The following AFDN variants were observed in gnomAD, a reference collection of about 807,000 sequenced individuals.
The protein encoded by AFDN is afadin, adherens junction formation factor.
In AFDN, 68 loss-of-function variants were observed where a neutral mutation model predicts 216.6. The observed-to-expected ratio is 0.31, with a 90% CI of 0.26 to 0.38. The LOEUF (loss-of-function observed/expected upper bound fraction) is 0.38. Ranked by LOEUF, AFDN falls within the 10% of genes least tolerant of loss-of-function variation. The pLI, the probability that AFDN is intolerant of heterozygous loss-of-function variation, is 1.00. For missense variants in AFDN, 2,136 were observed against 2,342.0 expected (o/e 0.91, Z 1.82); for synonymous variants, 868 against 853.7 (o/e 1.02, Z -0.29).
At position 167,951,473 on chromosome 6, in the gene AFDN, G is replaced by A. The variant is rs766768344; in HGVS notation, c.4119G>A (p.Pro1373=). The A allele has an allele frequency of 1.4e-5, 23 of 1,613,700 alleles. No individual in the cohort carries two copies. The highest frequency in any genetic ancestry group is 1.7e-4 in the Middle Eastern group (1 of 6,060). The stretch of plus-strand genomic sequence containing the variant: ...AGCCAATCCGAACAGACCTGCCTCC[G>A]CCACCCCCGCCACCTCCAGTCCACT... ...VSQPIRTDLP[P]PPPPPPVHYA... is the part of the protein sequence containing the mutation. Residue 1373 remains proline, a synonymous_variant, in exon 30 of 34, where the codon CCG becomes CCA. Coordinates refer to ENST00000683244, the MANE Select transcript of AFDN (RefSeq NM_001386888.1). The surrounding 1 kb of genome is among the most constrained non-coding windows in gnomAD (Gnocchi z 7.1).
intron 6 of AFDN, among the ~76,000 whole-genome samples, chr6:167,886,130 A>AT (rs1422900026): frequency 6.6e-6 from 1 of 151,986 alleles, no homozygotes; most frequent in African/African-American, 2.4e-5. Flanking sequence ...CTGTATTTGA[A>AT]TTTTTTTACA....
intron 5 of AFDN, among the ~76,000 whole-genome samples, chr6:167,878,850 T>C (rs1292866056): frequency 2.6e-5 from 4 of 152,182 alleles, no homozygotes; most frequent in Non-Finnish European, 2.9e-5. Context: ...GACAAAGCCC[T>C]TCCTTTAGAT....
At chr6:167,967,099 C>T (rs1797646182) in intron 32 of AFDN, among the ~76,000 whole-genome samples, 1 of 152,150 alleles carries the variant, frequency 6.6e-6, no homozygotes. Context: ...TAAAATATAG[C>T]TGAATTCATA....
At chr6:167,912,571 C>T (rs1265594282) in intron 15 of AFDN, among the ~76,000 whole-genome samples, 1 of 152,032 alleles carries the variant, frequency 6.6e-6, no homozygotes, top group Admixed American at 6.6e-5. Flanking sequence ...ATTTGGATAC[C>T]GTTTTGTTAC....
intron 13 of AFDN, among the ~76,000 whole-genome samples, chr6:167,910,440 T>C (rs1207316624): frequency 6.6e-6 from 1 of 152,244 alleles, no homozygotes; most frequent in Non-Finnish European, 1.5e-5. Flanking sequence ...TTCCAAATTA[T>C]AGTTTCTTTG....
chr6:167,969,072 T>G (rs767847205), intron 32 of AFDN, 42 bp from the exon 33 acceptor site: 3 of 1,439,754 alleles, frequency 2.1e-6, no homozygotes, highest in Non-Finnish European at 2.9e-6. Flanking sequence ...AGCTTAGAAA[T>G]AATCAGGTAC....
At chr6:167,940,557 A>T (rs1395227087) in intron 23 of AFDN, among the ~76,000 whole-genome samples, 1 of 32,270 alleles carries the variant, frequency 3.1e-5, no homozygotes, top group Non-Finnish European at 5.0e-5. Flanking sequence ...ACACAGAGGG[A>T]TGTAGGGGTG....
chr6:167,849,073 GA>G (rs750379734), intron 1 of AFDN, among the ~76,000 whole-genome samples: 1 of 152,130 alleles, frequency 6.6e-6, no homozygotes, highest in Non-Finnish European at 1.5e-5. Flanking sequence ...CCACTTACTT[GA>G]TCTTCCTTAG....
At chr6:167,916,719 A>C (rs1251855576) in intron 19 of AFDN, among the ~76,000 whole-genome samples, 1 of 152,048 alleles carries the variant, frequency 6.6e-6, no homozygotes. Context: ...TTTAGTATAG[A>C]GGCTAGACAG....
chr6:167,863,796 CTAGA>C (rs748512937), intron 1 of AFDN: 5 of 518,486 alleles, frequency 9.6e-6, no homozygotes, highest in Non-Finnish European at 1.9e-5. Context: ...TGCTTTTTCT[CTAGA>C]GGTAAGATTT....
chr6:167,918,447 T>G (rs917616630), intron 20 of AFDN, among the ~76,000 whole-genome samples: 1 of 152,230 alleles, frequency 6.6e-6, no homozygotes, highest in African/African-American at 2.4e-5. Flanking sequence ...CTTCTTGTGA[T>G]TGAACAATTT....
At chr6:167,850,794 G>T (rs1023614393) in intron 1 of AFDN, among the ~76,000 whole-genome samples, 3 of 152,126 alleles carry the variant, frequency 2.0e-5, no homozygotes, top group Admixed American at 1.3e-4. Flanking sequence ...TTATAATTTT[G>T]TGTATAGGTT....
In AFDN at chr6:167,970,003, T is replaced by C; in HGVS notation, c.*68T>C. On this transcript the variant is annotated 3_prime_UTR_variant, in exon 34 of 34. Coordinates refer to ENST00000683244, the MANE Select transcript of AFDN (RefSeq NM_001386888.1). ...TCAGTTGTGGGTTTGTAGGTGCGAG[T>C]TTGAAGAGGAAAAGAGGAAGGGGGT... 1 of 1,311,594 alleles carries C rather than the reference T, an allele frequency of 7.6e-7. No homozygotes were observed. Among genetic ancestry groups the C allele is most frequent in the Non-Finnish European group, 1.0e-6 (1 of 959,736 alleles). The allele number at this position is 1,311,594 out of a possible 1,614,324, so 81.2% of individuals were successfully genotyped here. A position where few individuals can be genotyped will look rare whatever the true frequency, so the allele number is the denominator to read the frequency against.
chr6:167,875,607 C>T (rs1388062863), intron 5 of AFDN, 112 bp downstream of exon 5: 1 of 1,118,190 alleles, frequency 8.9e-7, no homozygotes, highest in Non-Finnish European at 1.3e-6. Context: ...GTAACCTTTT[C>T]ATAACAAATG....
chr6:167,870,308 A>T, intron 2 of AFDN, 78 bp from the exon 3 acceptor site: 2 of 799,470 alleles, frequency 2.5e-6, no homozygotes, highest in Non-Finnish European at 4.0e-6. Flanking sequence ...AATTAAATGT[A>T]TATCAGAATG....
intron 1 of AFDN, among the ~76,000 whole-genome samples, chr6:167,844,160 T>C (rs1451075685): frequency 6.7e-6 from 1 of 149,568 alleles, no homozygotes; most frequent in Non-Finnish European, 1.5e-5. Context: ...GTTTTGCTCT[T>C]GTAGACTCAA....
chr6:167,969,981 G>A lies in AFDN; in HGVS notation c.*46G>A, dbSNP rs149525398. 894 of 1,534,124 alleles carry A rather than the reference G, an allele frequency of 5.8e-4. 5 individuals carry two copies. In the African/African-American group the frequency reaches 0.011, roughly 19 times the overall value. Reference sequence around the variant, plus strand: ...TTGTATTTACCCCAAAATCTTTTCAGTTGTGGGTTTGTAGGTGCGAGTTTG... The same window carrying A: ...TTGTATTTACCCCAAAATCTTTTCAATTGTGGGTTTGTAGGTGCGAGTTTG... On this transcript the variant is annotated 3_prime_UTR_variant, in exon 34 of 34. Transcript: ENST00000683244.
intron 2 of AFDN, among the ~76,000 whole-genome samples, chr6:167,867,380 A>G (rs1198886840): frequency 1.3e-5 from 2 of 150,866 alleles, no homozygotes; most frequent in East Asian, 1.9e-4. Context: ...CTGTATTTTG[A>G]TAACTAGCAT....
At position 167,827,178 on chromosome 6, in the gene AFDN, A is replaced by G. The variant is rs1311389144; in HGVS notation, c.46A>G (p.Ile16Val). 1.5e-6 allele frequency: 2 copies of G among 1,304,228 alleles called. No individual in the cohort carries two copies. The highest frequency in any genetic ancestry group is 5.6e-5 in the East Asian group (1 of 17,938). The allele number at this position is 1,304,228 out of a possible 1,614,324, so 80.8% of individuals were successfully genotyped here. A position where few individuals can be genotyped will look rare whatever the true frequency, so the allele number is the denominator to read the frequency against. ...CGAGGAGCGGCGGAAGCTGGCCGAC[A>G]TCATCCACCACTGGAACGCCAACCG... ...RDEERRKLAD[I>V]IHHWNANRLD... Residue 16 changes from isoleucine (I) to valine (V), a missense_variant, in exon 1 of 34, where the codon ATC (isoleucine) becomes GTC (valine). Around this residue, in one of 8 missense-constraint regions of AFDN, gnomAD observed 81 missense variants for 51.2 expected, o/e 1.58. Coordinates refer to ENST00000683244, the MANE Select transcript of AFDN (RefSeq NM_001386888.1).
Sources: gnomAD v4.1 joint callset for allele counts (sites outside exome capture counted in the v4.1 genomes callset) on GRCh38, gnomAD v4.1.1 for gene constraint, gnomAD v4.1.1 regional missense constraint, Gnocchi (gnomAD v3.1) non-coding constraint, MANE v1.5 for transcripts, NCBI Gene and HGNC (gene_info 2026-07-23, HGNC 2026-07-21) for gene names.